Variants in KDM5A observed in about 807,000 individuals in gnomAD.
The protein encoded by KDM5A is lysine-specific demethylase 5A.
KDM5A carries 42 observed loss-of-function variants against 193.5 expected under a neutral mutation model. That is an observed-to-expected ratio of 0.22 (90% CI 0.17 to 0.28). KDM5A has a LOEUF of 0.28. Among genes scored for constraint, KDM5A ranks in the 10% least tolerant of loss-of-function variants. The pLI is 1.00. For missense variants in KDM5A, 1,692 were observed against 2,055.1 expected (o/e 0.82, Z 3.42); for synonymous variants, 796 against 718.1 (o/e 1.11, Z -1.73).
Position 327,624 on chromosome 12 carries a change from G to A in KDM5A, c.1968+1211C>T, listed in dbSNP as rs150429429. On this transcript the variant is annotated intron_variant, in intron 14 of 27. Transcript: ENST00000399788. ...CTTGGTAGGCTAAGGCAGGAGAATC[G>A]CTGAACCTGGGAGGCGGAGGTTGCA... Among the ~76,000 whole-genome samples the A allele has an allele frequency of 3.4e-3, 525 of 152,276 alleles. 4 individuals carry two copies. Among genetic ancestry groups the A allele is most frequent in the Non-Finnish European group, 5.9e-3 (403 of 68,018 alleles).
At chr12:305,797 G>A (rs949204704) in intron 24 of KDM5A, among the ~76,000 whole-genome samples, 3 of 152,060 alleles carry the variant, frequency 2.0e-5, no homozygotes, top group East Asian at 1.9e-4. Flanking sequence ...CACCAGTAAC[G>A]TGTCATTACC....
In KDM5A at chr12:389,218, C is replaced by G. The variant is rs753665774; in HGVS notation, c.-127G>C. ...CGCATCTTCGCGGACAAGAACCGTTCAACACAGAAACCCCAGAATCGCTTC... is the reference window on the plus strand; with the variant it reads ...CGCATCTTCGCGGACAAGAACCGTTGAACACAGAAACCCCAGAATCGCTTC... On this transcript the variant is annotated 5_prime_UTR_variant, in exon 1 of 28. Transcript: ENST00000399788. The G allele has an allele frequency of 9.9e-6, 9 of 906,828 alleles. No individual in the cohort carries two copies. Among genetic ancestry groups the G allele is most frequent in the Admixed American group, 1.8e-5 (1 of 56,612 alleles). 56.2% of individuals were successfully genotyped at this position (906,828 alleles called of 1,614,324 possible).
chr12:356,459 A>G lies in KDM5A; in HGVS notation c.751T>C (p.Leu251=). 1.2e-6 allele frequency: 2 copies of G among 1,612,064 alleles called. No individual in the cohort carries two copies. Among genetic ancestry groups the G allele is most frequent in the Non-Finnish European group, 1.7e-6 (2 of 1,178,132 alleles). Residue 251 remains leucine, a synonymous_variant, in exon 6 of 28, where the codon TTG becomes CTG. Transcript: ENST00000399788. ...IFGAGPKVVG[L]AMGTKDKEDE... is the part of the protein sequence containing the mutation. ...TCTTTATCTTTTGTTCCCATTGCCA[A>G]GCCCACAACCTTGGGCCCAGCCCCA... is the stretch of plus-strand genomic sequence containing the variant.
intron 17 of KDM5A, chr12:322,172 C>G (rs917057197): frequency 5.8e-6 from 3 of 518,366 alleles, no homozygotes; most frequent in African/African-American, 5.7e-5. Context: ...GTAAAGAGAG[C>G]ATGAAGTCCT....
intron 17 of KDM5A, among the ~76,000 whole-genome samples, chr12:321,396 C>T (rs1943714089): frequency 6.6e-6 from 1 of 152,194 alleles, no homozygotes; most frequent in African/African-American, 2.4e-5. Flanking sequence ...AAACTTAATC[C>T]TGTATCTCAA....
intron 10 of KDM5A, among the ~76,000 whole-genome samples, chr12:350,060 G>A (rs1373138902): frequency 6.6e-6 from 1 of 151,944 alleles, no homozygotes; most frequent in Non-Finnish European, 1.5e-5. Context: ...CCCGGGAGGT[G>A]GAGGTTGCAG....
chr12:289,768 G>A (rs1048172948), intron 27 of KDM5A, among the ~76,000 whole-genome samples: 1 of 150,870 alleles, frequency 6.6e-6, no homozygotes, highest in African/African-American at 2.4e-5. Flanking sequence ...AAAAGTCCCA[G>A]TAATTATTAG....
At chr12:333,008 G>A (rs1422805782) in intron 12 of KDM5A, 1 of 181,900 alleles carries the variant, frequency 5.5e-6, no homozygotes, top group Non-Finnish European at 1.2e-5. Context: ...TCAGATAAAA[G>A]TTGTTCCCTG....
In KDM5A at chr12:295,730, G is replaced by A. The variant is rs754511816; in HGVS notation, c.4298C>T (p.Pro1433Leu). The change falls in exon 26 of 28, where the codon CCA becomes CTA. Residue 1433 changes from proline (P) to leucine (L), a missense_variant. This residue lies in a region of KDM5A where 965 missense variants were observed against 1,061.0 expected (regional missense o/e 0.91). Transcript: ENST00000399788. ...AGCTCCAGGTGACAACTCCAGCACTGGAGGTTCCAAACTTCGGGGCACCAA... is the reference window on the plus strand; with the variant it reads ...AGCTCCAGGTGACAACTCCAGCACTAGAGGTTCCAAACTTCGGGGCACCAA... ...SPLVPRSLEP[P>L]VLELSPGAKA... 3.8e-5 allele frequency: 62 copies of A among 1,613,934 alleles called. No homozygotes were observed. Among genetic ancestry groups the A allele is most frequent in the Non-Finnish European group, 1.4e-5 (17 of 1,180,006 alleles).
chr12:310,370 C>T (rs146521400), intron 21 of KDM5A, among the ~76,000 whole-genome samples: 124 of 152,324 alleles, frequency 8.1e-4, no homozygotes, highest in East Asian at 4.6e-3. Flanking sequence ...GTGGCTCACA[C>T]CTGTAATCCC....
intron 3 of KDM5A, among the ~76,000 whole-genome samples, chr12:370,847 T>C (rs987159310): frequency 1.3e-5 from 2 of 152,176 alleles, no homozygotes; most frequent in Admixed American, 6.5e-5. Context: ...TTCCCACCTA[T>C]CAGTGAGAAC....
At chr12:322,186 CA>C (rs1170608507) in intron 17 of KDM5A, 6 of 545,154 alleles carry the variant, frequency 1.1e-5, no homozygotes, top group African/African-American at 1.9e-5. Flanking sequence ...AAGTCCTAAG[CA>C]AAAATGTGCC....
intron 10 of KDM5A, among the ~76,000 whole-genome samples, chr12:342,689 T>C (rs1468468438): frequency 1.3e-5 from 2 of 151,522 alleles, no homozygotes; most frequent in Non-Finnish European, 2.9e-5. Context: ...CTCTAACTAC[T>C]GACCTCAAGT....
Position 349,321 on chromosome 12 carries a change from T to A in KDM5A, c.1308+1300A>T, listed in dbSNP as rs568238126. On this transcript the variant is annotated intron_variant, in intron 10 of 27. Transcript: ENST00000399788. Reference sequence around the variant, plus strand: ...AGGTGTGAGCCCCCGCGCCCAGCCATCTTCTAGACTTTTTTTTTTTTTTTT... The same window carrying A: ...AGGTGTGAGCCCCCGCGCCCAGCCAACTTCTAGACTTTTTTTTTTTTTTTT... 3.1e-3 allele frequency among the ~76,000 whole-genome samples: 434 copies of A among 138,186 alleles called. 3 individuals are homozygous for A. The highest frequency in any genetic ancestry group is 0.011 in the African/African-American group (417 of 36,320). The allele number at this position is 138,186 out of a possible 152,430, so 90.7% of individuals were successfully genotyped here.
chr12:282,491 C>T lies in KDM5A; in HGVS notation c.*2965G>A. 1 of 233,168 alleles carries T rather than the reference C, an allele frequency of 4.3e-6. No individual in the cohort carries two copies. Among genetic ancestry groups the T allele is most frequent in the East Asian group, 6.0e-5 (1 of 16,582 alleles). 14.4% of individuals were successfully genotyped at this position (233,168 alleles called of 1,614,324 possible). On this transcript the variant is annotated 3_prime_UTR_variant, in exon 28 of 28. Transcript: ENST00000399788. ...ACATCAACATGGCTTTGCTGCAGTA[C>T]CTATCAGGAAGCAAAATAAACATCT...
chr12:365,552 G>C (rs977042166), intron 4 of KDM5A, among the ~76,000 whole-genome samples: 1 of 152,174 alleles, frequency 6.6e-6, no homozygotes, highest in Admixed American at 6.5e-5. Flanking sequence ...TAGTGGAAGT[G>C]CTCTAAAACT....
In KDM5A at chr12:297,141, C is replaced by G. The variant is rs753769970; in HGVS notation, c.4134G>C (p.Glu1378Asp). 1 of 1,614,048 alleles carries G rather than the reference C, an allele frequency of 6.2e-7. No individual in the cohort carries two copies. The highest frequency in any genetic ancestry group is 8.5e-7 in the Non-Finnish European group (1 of 1,179,974). Reference sequence around the variant, plus strand: ...CCACCTCCTCGGATTTGATGGGAATCTCTTCATCACAAAAAAGATTGGGTT... The same window carrying G: ...CCACCTCCTCGGATTTGATGGGAATGTCTTCATCACAAAAAAGATTGGGTT... Reference protein sequence around the residue: ...SLEPNLFCDEEIPIKSEEVVT... With the variant: ...SLEPNLFCDEDIPIKSEEVVT... Residue 1378 changes from glutamate (E) to aspartate (D), a missense_variant, in exon 25 of 28, where the codon GAG (glutamate) becomes GAC (aspartate). Transcript: ENST00000399788.
intron 3 of KDM5A, among the ~76,000 whole-genome samples, chr12:371,239 A>G (rs1192498311): frequency 1.3e-5 from 2 of 152,220 alleles, no homozygotes; most frequent in Non-Finnish European, 2.9e-5. Context: ...CTAACAGTGT[A>G]AAATTGTTCC....
Position 285,171 on chromosome 12 carries a change from C to G in KDM5A, c.*285G>C. 1 of 508,770 alleles carries G rather than the reference C, an allele frequency of 2.0e-6. No individual in the cohort carries two copies. Among genetic ancestry groups the G allele is most frequent in the Non-Finnish European group, 3.6e-6 (1 of 280,110 alleles). The allele number at this position is 508,770 out of a possible 1,614,324, so 31.5% of individuals were successfully genotyped here. A position where few individuals can be genotyped will look rare whatever the true frequency, so the allele number is the denominator to read the frequency against. Reference sequence around the variant, plus strand: ...CAATGTATTAATACTAACCAGCCACCCTAGAGCTCAATTAAGCATCTGGCC... The same window carrying G: ...CAATGTATTAATACTAACCAGCCACGCTAGAGCTCAATTAAGCATCTGGCC... On this transcript the variant is annotated 3_prime_UTR_variant, in exon 28 of 28. Coordinates refer to ENST00000399788, the MANE Select transcript of KDM5A (RefSeq NM_001042603.3).
Sources: allele counts gnomAD v4.1 joint callset (sites outside exome capture counted in the v4.1 genomes callset), GRCh38; gene constraint gnomAD v4.1.1; regional missense constraint gnomAD v4.1.1; transcripts MANE v1.5; gene names NCBI Gene and HGNC (gene_info 2026-07-23, HGNC 2026-07-21).